MYRIP: variants seen among roughly 807,000 people sequenced by gnomAD.
MYRIP encodes rab effector MyRIP.
Under a neutral mutation model 98.0 loss-of-function variants are expected in MYRIP, and 49 were observed. The ratio of observed to expected loss-of-function variants is 0.50; its 90% CI spans 0.40 to 0.63. The LOEUF (loss-of-function observed/expected upper bound fraction) is 0.63. Ranked by LOEUF, MYRIP falls within the 30% of genes least tolerant of loss-of-function variation. The probability of loss-of-function intolerance (pLI) is 0.00; values close to 1 mark genes in which losing one functional copy is unlikely to be tolerated. For synonymous variants in MYRIP, 404 were observed against 409.5 expected (o/e 0.99, Z 0.16); for missense variants, 1,004 against 1,058.2 (o/e 0.95, Z 0.71).
intron 1 of MYRIP, among the ~76,000 whole-genome samples, chr3:39,850,641 G>C (rs1451416358): frequency 1.3e-5 from 2 of 152,174 alleles, no homozygotes; most frequent in Non-Finnish European, 2.9e-5. Context: ...TGAGCCTACT[G>C]TGTTTGATCA....
intron 3 of MYRIP, among the ~76,000 whole-genome samples, chr3:40,137,250 T>A (rs532966596): frequency 1.3e-5 from 2 of 152,234 alleles, no homozygotes; most frequent in East Asian, 3.9e-4. Flanking sequence ...AGAATACTAT[T>A]AACACCTCTA....
rs1953343330 is a variant in MYRIP, at chr3:40,250,560, T to C, written c.2428+61T>C. On this transcript the variant is annotated intron_variant, in intron 15 of 16. Coordinates refer to ENST00000302541, the MANE Select transcript of MYRIP (RefSeq NM_015460.4). ...TTAAGCCTGAATCATTTACTTTGGG[T>C]AACAAAGAGACCTGAGTTTGAGAAT... is the stretch of plus-strand genomic sequence containing the variant. The C allele has an allele frequency of 1.9e-6, 3 of 1,561,824 alleles. No individual in the cohort carries two copies. In the East Asian group the frequency reaches 6.7e-5, roughly 35 times the overall value.
At chr3:39,849,984 C>A (rs190017948) in intron 1 of MYRIP, among the ~76,000 whole-genome samples, 1 of 152,186 alleles carries the variant, frequency 6.6e-6, no homozygotes. Flanking sequence ...ATGGTCACCA[C>A]GACATGCCTG....
intron 1 of MYRIP, among the ~76,000 whole-genome samples, chr3:39,858,387 TA>T (rs2125614840): frequency 6.6e-6 from 1 of 152,054 alleles, no homozygotes; most frequent in African/African-American, 2.4e-5. Context: ...CCTAACTATA[TA>T]AAGAAAATAG....
chr3:39,926,241 G>C (rs955692480), intron 2 of MYRIP, among the ~76,000 whole-genome samples: 3 of 152,024 alleles, frequency 2.0e-5, no homozygotes, highest in Non-Finnish European at 4.4e-5. Context: ...TTAGACCTTT[G>C]TCAGGTGCAT....
Position 40,044,211 on chromosome 3 carries a change from G to C in MYRIP, c.272G>C (p.Ser91Thr). 6.2e-7 allele frequency: 1 copy of C among 1,614,194 alleles called. No homozygotes were observed. The highest frequency in any genetic ancestry group is 8.5e-7 in the Non-Finnish European group (1 of 1,180,026). The change falls in exon 3 of 17, where the codon AGC becomes ACC. Residue 91 changes from serine to threonine, a missense_variant. Ser to Thr is a moderately conservative substitution (Grantham distance 58). Coordinates refer to ENST00000302541, the MANE Select transcript of MYRIP (RefSeq NM_015460.4). Reference sequence around the variant, plus strand: ...GATTGCAAATTCAATGTCTGCAAGAGCTGCTGCTCCTACCAGAAGCACGAA... The same window carrying C: ...GATTGCAAATTCAATGTCTGCAAGACCTGCTGCTCCTACCAGAAGCACGAA... Reference protein sequence around the residue: ...CGDCKFNVCKSCCSYQKHEKA... With the variant: ...CGDCKFNVCKTCCSYQKHEKA...
intron 8 of MYRIP, among the ~76,000 whole-genome samples, chr3:40,171,101 G>A (rs1048885590): frequency 6.6e-6 from 1 of 151,958 alleles, no homozygotes; most frequent in Non-Finnish European, 1.5e-5. Flanking sequence ...CCTTGTCAAC[G>A]TGCTGTCAGC....
rs184273847 is a variant in MYRIP at position 40,105,905 on chromosome 3, A to C, written c.333-45143A>C. Among the ~76,000 whole-genome samples, 43 of 152,244 alleles carry C rather than the reference A, an allele frequency of 2.8e-4. 1 individual carries two copies. The highest frequency in any genetic ancestry group is 1.0e-3 in the African/African-American group (42 of 41,548). On this transcript the variant is annotated intron_variant, in intron 3 of 16. Transcript: ENST00000302541. ...CACTTCCCACTAGGTCTCTCCCTAGACATGTGGGGATTATGGGGATTACAA... is the reference window on the plus strand; with the variant it reads ...CACTTCCCACTAGGTCTCTCCCTAGCCATGTGGGGATTATGGGGATTACAA...
intron 3 of MYRIP, among the ~76,000 whole-genome samples, chr3:40,067,185 C>T (rs1314449313): frequency 6.6e-6 from 1 of 152,184 alleles, no homozygotes; most frequent in Non-Finnish European, 1.5e-5. Context: ...TAACTCTAGG[C>T]TTCCCAGAAG....
chr3:39,844,395 A>G (rs4269026), intron 1 of MYRIP, among the ~76,000 whole-genome samples: 12,570 of 152,260 alleles, frequency 0.083, 583 homozygotes, highest in African/African-American at 0.12. Context: ...ATCTCACAGA[A>G]TCATTCATAA....
intron 2 of MYRIP, among the ~76,000 whole-genome samples, chr3:39,922,211 G>A (rs1454933419): frequency 6.6e-6 from 1 of 152,150 alleles, no homozygotes; most frequent in Non-Finnish European, 1.5e-5. Flanking sequence ...CCAATTGTCA[G>A]AGATGAAAAT....
At chr3:40,181,103 A>T (rs1254123519) in intron 8 of MYRIP, among the ~76,000 whole-genome samples, 6 of 150,064 alleles carry the variant, frequency 4.0e-5, no homozygotes, top group Non-Finnish European at 7.4e-5. Context: ...TTATTCTCTC[A>T]TACCTTTTTT....
chr3:40,055,765 C>A (rs1947873285), intron 3 of MYRIP, among the ~76,000 whole-genome samples: 1 of 152,080 alleles, frequency 6.6e-6, no homozygotes, highest in South Asian at 2.1e-4. Context: ...GTTACAATGT[C>A]TTTTACTAAG....
chr3:39,878,440 C>T (rs923799388), intron 1 of MYRIP, among the ~76,000 whole-genome samples: 1 of 152,192 alleles, frequency 6.6e-6, no homozygotes, highest in Non-Finnish European at 1.5e-5. Flanking sequence ...TTCTGCGTCA[C>T]TCATGCTGGG....
rs138821420 is a variant in MYRIP, at chr3:39,810,966, T to A, written c.-31+1050T>A. Among the ~76,000 whole-genome samples, 26 of 152,184 alleles carry A rather than the reference T, an allele frequency of 1.7e-4. 1 individual carries two copies. The highest frequency in any genetic ancestry group is 6.5e-4 in the Admixed American group (10 of 15,284). ...TCTCCCCGACCATGATCTCGATTTG[T>A]TGATTTTCTTGACACTTACTCAGGG... On this transcript the variant is annotated intron_variant, in intron 1 of 16. Coordinates refer to ENST00000302541, the MANE Select transcript of MYRIP (RefSeq NM_015460.4).
chr3:40,192,315 T>TATATGTC (rs144697473), intron 10 of MYRIP, among the ~76,000 whole-genome samples: 2 of 21,150 alleles, frequency 9.5e-5, no homozygotes, highest in African/African-American at 1.7e-4. Flanking sequence ...TCTTCATATA[T>TATATGTC]ATATATATAT....
chr3:40,139,640 C>T (rs1342253722), intron 3 of MYRIP, among the ~76,000 whole-genome samples: 3 of 152,128 alleles, frequency 2.0e-5, no homozygotes, highest in Non-Finnish European at 4.4e-5. Flanking sequence ...TGTGCAGTGG[C>T]ACAATCATAG....
intron 1 of MYRIP, among the ~76,000 whole-genome samples, chr3:39,870,431 T>C (rs1942752320): frequency 6.6e-6 from 1 of 152,234 alleles, no homozygotes; most frequent in African/African-American, 2.4e-5. Flanking sequence ...TACAAATAGA[T>C]TAATATTTTC....
At chr3:40,223,693 G>A (rs1216745989) in intron 11 of MYRIP, among the ~76,000 whole-genome samples, 1 of 152,218 alleles carries the variant, frequency 6.6e-6, no homozygotes, top group East Asian at 1.9e-4. Flanking sequence ...GGTAGCCCAA[G>A]CTCTGGAGTT....
Sources: gnomAD v4.1 joint callset for allele counts (sites outside exome capture counted in the v4.1 genomes callset) on GRCh38, gnomAD v4.1.1 for gene constraint, MANE v1.5 for transcripts, NCBI Gene and HGNC (gene_info 2026-07-23, HGNC 2026-07-21) for gene names.